NR2C2: variants seen among roughly 807,000 people sequenced by gnomAD.
NR2C2 encodes nuclear receptor subfamily 2 group C member 2.
A neutral mutation model predicts 62.9 loss-of-function variants in NR2C2; 6 were observed. The ratio of observed to expected loss-of-function variants is 0.10; its 90% confidence interval spans 0.05 to 0.19. The LOEUF is 0.19. NR2C2 is among the 10% of genes least tolerant of loss of function. NR2C2 has a pLI of 1.00. For missense variants in NR2C2, 479 were observed against 762.7 expected, an observed-to-expected ratio of 0.63 and a Z score of 4.38; for synonymous variants, 272 against 273.8, an observed-to-expected ratio of 0.99 and a Z score of 0.07.
chr3:14,991,145 C>G (rs2040659391), intron 1 of NR2C2, among the ~76,000 whole-genome samples: 1 of 152,150 alleles, frequency 6.6e-6, no homozygotes, highest in Non-Finnish European at 1.5e-5. Context: ...AAATTCAAAA[C>G]TGGCTAATGA....
chr3:14,963,730 A>G, intron 1 of NR2C2, among the ~76,000 whole-genome samples: 1 of 152,168 alleles, frequency 6.6e-6, no homozygotes, highest in Admixed American at 6.5e-5. Flanking sequence ...TCTGCCTCCC[A>G]AAGTCGCATT....
At chr3:15,025,298 G>A (rs1294561517) in intron 7 of NR2C2, among the ~76,000 whole-genome samples, 1 of 152,216 alleles carries the variant, frequency 6.6e-6, no homozygotes, top group Non-Finnish European at 1.5e-5. Context: ...TCCAGAACTG[G>A]CTAGAACTGG....
intron 1 of NR2C2, among the ~76,000 whole-genome samples, chr3:14,955,544 A>G (rs1250878407): frequency 6.6e-6 from 1 of 152,156 alleles, no homozygotes; most frequent in African/African-American, 2.4e-5. Flanking sequence ...CCTCAGTTGG[A>G]ATCCTAGCTC....
At chr3:15,039,036 A>T in intron 12 of NR2C2, 86 bp from the exon 13 acceptor site, 1 of 940,016 alleles carries the variant, frequency 1.1e-6, no homozygotes, top group South Asian at 1.4e-5. Context: ...AAGTTTGCAG[A>T]AGTTTGACTA....
Position 15,017,969 on chromosome 3 carries a change from A to T in NR2C2, c.376+1715A>T, listed in dbSNP as rs183175549. Among the ~76,000 whole-genome samples the T allele has an allele frequency of 1.6e-3, 240 of 152,336 alleles. 3 individuals are homozygous for T. Among genetic ancestry groups the T allele is most frequent in the Non-Finnish European group, 5.0e-4 (34 of 68,032 alleles). ...AAGTGGGCATAATGTATGTGAAAGT[A>T]CTTTGTGAATAAGAAAGCTAAACTG... On this transcript the variant is annotated intron_variant, in intron 4 of 13. Coordinates refer to ENST00000425241, the MANE Select transcript of NR2C2 (RefSeq NM_001291694.2).
At position 14,947,687 on chromosome 3, in the gene NR2C2, C is replaced by A. The variant is rs2039158992; in HGVS notation, c.-259C>A. 1 of 150,028 alleles carries A rather than the reference C, an allele frequency of 6.7e-6. No individual in the cohort carries two copies. The highest frequency in any genetic ancestry group is 1.8e-4 in the South Asian group (1 of 5,548). The allele number at this position is 150,028 out of a possible 1,614,324, so 9.3% of individuals were successfully genotyped here. A position where few individuals can be genotyped will look rare whatever the true frequency, so the allele number is the denominator to read the frequency against. ...CAAAAACAATAACAAACCCCCCCTT[C>A]TCCGCGACCCCGGCGGCGCCCCCGG... On this transcript the variant is annotated 5_prime_UTR_variant, in exon 1 of 14. Coordinates refer to ENST00000425241, the MANE Select transcript of NR2C2 (RefSeq NM_001291694.2).
At chr3:15,030,583 T>G in intron 9 of NR2C2, 131 bp downstream of exon 9, 1 of 923,732 alleles carries the variant, frequency 1.1e-6, no homozygotes, top group Non-Finnish European at 1.6e-6. Flanking sequence ...ATCTTAGCAC[T>G]TCGGGAGGCC....
Position 15,043,071 on chromosome 3 carries a change from AAGT to A in NR2C2, c.*67_*69del. 1 of 1,477,238 alleles carries A rather than the reference AAGT, an allele frequency of 6.8e-7. No individual in the cohort carries two copies. The highest frequency in any genetic ancestry group is 9.1e-7 in the Non-Finnish European group (1 of 1,096,312). 91.5% of individuals were successfully genotyped at this position (1,477,238 alleles called of 1,614,324 possible). On this transcript the variant is annotated 3_prime_UTR_variant, in exon 14 of 14. Coordinates refer to ENST00000425241, the MANE Select transcript of NR2C2 (RefSeq NM_001291694.2). ...TCCAGGACCGTTCACATACAAAGAA[AAGT>A]AGTGGTATTTTGGTATGTGCAAATA...
chr3:14,993,968 A>G lies in NR2C2; in HGVS notation c.-39-9908A>G, dbSNP rs533145219. Among the ~76,000 whole-genome samples the G allele has an allele frequency of 3.9e-5, 6 of 152,278 alleles. No homozygotes were observed. In the East Asian group the frequency reaches 1.2e-3, roughly 29 times the overall value. ...CAGCGCCCAACCTGTGCTTTCCAGTAACTGTTTGTCCTCCACAGCAGCTTA... is the reference window on the plus strand; with the variant it reads ...CAGCGCCCAACCTGTGCTTTCCAGTGACTGTTTGTCCTCCACAGCAGCTTA... On this transcript the variant is annotated intron_variant, in intron 1 of 13. Coordinates refer to ENST00000425241, the MANE Select transcript of NR2C2 (RefSeq NM_001291694.2).
At position 15,020,641 on chromosome 3, in the gene NR2C2, T is replaced by C. The variant is rs2041646101; in HGVS notation, c.377-112T>C. The C allele has an allele frequency of 4.1e-6, 5 of 1,213,320 alleles. No homozygotes were observed. In the South Asian group the frequency reaches 5.7e-5, roughly 14 times the overall value. 75.2% of individuals were successfully genotyped at this position (1,213,320 alleles called of 1,614,324 possible). On this transcript the variant is annotated intron_variant, in intron 4 of 13. Transcript: ENST00000425241. ...CCACGTGGCTGTTGGCATCTAACAG[T>C]GTATGGCACCCATCACTTCAATGAG...
chr3:14,966,056 TATA>T (rs1255574179), intron 1 of NR2C2, among the ~76,000 whole-genome samples: 3 of 152,228 alleles, frequency 2.0e-5, no homozygotes, highest in African/African-American at 7.2e-5. Context: ...AATAACTATA[TATA>T]ATATTTGATT....
rs571603515 is a variant in NR2C2 at position 15,024,345 on chromosome 3, G to A, written c.798+137G>A. 3.7e-5 allele frequency: 22 copies of A among 600,728 alleles called. No homozygotes were observed. The East Asian group carries it at 6.6e-4, about 18-fold the overall frequency. The allele number at this position is 600,728 out of a possible 1,614,324, so 37.2% of individuals were successfully genotyped here. ...TGACCTATGTCTCGGTCTCCTTATT[G>A]TTGTGATAGCTATCTTGTGATTTGT... On this transcript the variant is annotated intron_variant, in intron 7 of 13. Coordinates refer to ENST00000425241, the MANE Select transcript of NR2C2 (RefSeq NM_001291694.2).
Position 15,038,055 on chromosome 3 carries a change from G to A in NR2C2, c.1428G>A (p.Gln476=). Residue 476 remains glutamine, a synonymous_variant, in exon 12 of 14, where the codon CAG becomes CAA. Coordinates refer to ENST00000425241, the MANE Select transcript of NR2C2 (RefSeq NM_001291694.2). The part of the protein sequence containing the change: ...KQVMEHIWKL[Q]EFCNSMAKLD... ...TCATGGAGCACATCTGGAAGCTGCAGGAGTTCTGTAACAGCATGGCGAAGC... is the reference window on the plus strand; with the variant it reads ...TCATGGAGCACATCTGGAAGCTGCAAGAGTTCTGTAACAGCATGGCGAAGC... 1 of 1,614,164 alleles carries A rather than the reference G, an allele frequency of 6.2e-7. No homozygotes were observed. Among genetic ancestry groups the A allele is most frequent in the South Asian group, 1.1e-5 (1 of 91,074 alleles).
chr3:15,034,866 A>G (rs1302673897), intron 11 of NR2C2, 57 bp downstream of exon 11: 40 of 1,496,906 alleles, frequency 2.7e-5, no homozygotes, highest in Admixed American at 8.5e-5. Context: ...GTGGCCATGG[A>G]GCAGAGCCCA....
At chr3:14,982,843 T>C (rs1351848198) in intron 1 of NR2C2, among the ~76,000 whole-genome samples, 2 of 152,232 alleles carry the variant, frequency 1.3e-5, no homozygotes, top group Non-Finnish European at 2.9e-5. Context: ...TTGTTCCTCA[T>C]CTTAAAAGGA....
intron 1 of NR2C2, among the ~76,000 whole-genome samples, chr3:14,955,347 C>T (rs1206945968): frequency 6.6e-6 from 1 of 152,088 alleles, no homozygotes; most frequent in African/African-American, 2.4e-5. Context: ...CATATTACGA[C>T]TTAGTGGTTG....
In NR2C2 at chr3:15,016,199, C is replaced by T. The variant is rs769267226; in HGVS notation, c.321C>T (p.Asp107=). 2.7e-5 allele frequency: 43 copies of T among 1,613,998 alleles called. No individual in the cohort carries two copies. Among genetic ancestry groups the T allele is most frequent in the Middle Eastern group, 1.6e-4 (1 of 6,084 alleles). ...ASVERLLGKT[D]VQRPQVVEYC... is the part of the protein sequence containing the mutation. ...TGGAGCGTTTACTGGGGAAGACGGA[C>T]GTCCAGCGGCCCCAGGTGGTAGAGT... is the stretch of plus-strand genomic sequence containing the variant. The change falls in exon 4 of 14, where the codon GAC becomes GAT. Residue 107 remains aspartate, a synonymous_variant. Coordinates refer to ENST00000425241, the MANE Select transcript of NR2C2 (RefSeq NM_001291694.2).
intron 1 of NR2C2, among the ~76,000 whole-genome samples, chr3:14,984,121 C>T (rs912703129): frequency 1.2e-4 from 18 of 152,260 alleles, no homozygotes; most frequent in Admixed American, 5.9e-4. Context: ...CTCCCGACCT[C>T]AGGTGATCCA....
chr3:14,980,911 T>C (rs1222854990), intron 1 of NR2C2, among the ~76,000 whole-genome samples: 1 of 152,210 alleles, frequency 6.6e-6, no homozygotes, highest in Non-Finnish European at 1.5e-5. Context: ...CACGGTTCCC[T>C]GTAGCTTTCT....
Sources: gnomAD v4.1 joint callset for allele counts (sites outside exome capture counted in the v4.1 genomes callset) on GRCh38, gnomAD v4.1.1 for gene constraint, MANE v1.5 for transcripts, NCBI Gene and HGNC (gene_info 2026-07-23, HGNC 2026-07-21) for gene names.